ASCC2: variants seen among roughly 807,000 people sequenced by gnomAD.
ASCC2 encodes the protein activating signal cointegrator 1 complex subunit 2.
ASCC2 carries 42 observed loss-of-function variants against 93.5 expected under a neutral mutation model. The ratio of observed to expected loss-of-function variants is 0.45; its 90% CI spans 0.35 to 0.58. ASCC2 has a LOEUF of 0.58. Among genes scored for constraint, ASCC2 ranks in the 20% least tolerant of loss-of-function variants. The probability of loss-of-function intolerance (pLI) is 0.00; values close to 1 mark genes in which losing one functional copy is unlikely to be tolerated. For synonymous variants in ASCC2, 364 were observed against 384.2 expected, an observed-to-expected ratio of 0.95 and a Z score of 0.62; for missense variants, 859 against 977.6, an observed-to-expected ratio of 0.88 and a Z score of 1.62.
Position 29,791,834 on chromosome 22 carries a change from C to T in ASCC2, c.2022+599G>A, listed in dbSNP as rs564134679. Among the ~76,000 whole-genome samples the T allele has an allele frequency of 3.2e-4, 49 of 152,358 alleles. 1 individual carries two copies. The highest frequency in any genetic ancestry group is 3.0e-3 in the Admixed American group (46 of 15,310). On this transcript the variant is annotated intron_variant, in intron 18 of 19. Coordinates refer to ENST00000307790, the MANE Select transcript of ASCC2 (RefSeq NM_032204.5). ...ACCGAGGAGCCCCTGAGGCAGGGCA[C>T]GTGCTTCCCACTGCTCAGCGCAGTC...
At chr22:29,820,152 T>C (rs758212982) in intron 5 of ASCC2, among the ~76,000 whole-genome samples, 16 of 151,782 alleles carry the variant, frequency 1.1e-4, no homozygotes, top group Non-Finnish European at 1.6e-4. Flanking sequence ...AAATGTTGGA[T>C]GCAAAATTTC....
rs551847895 is a variant in ASCC2, at chr22:29,832,012, T to C, written c.81+233A>G. The stretch of plus-strand genomic sequence containing the variant: ...TTGGACTGATTTGAAATTAAATGCT[T>C]TGGGGGGAAGGTGCAGGGTGGTGAC... On this transcript the variant is annotated intron_variant, in intron 2 of 19. Coordinates refer to ENST00000307790, the MANE Select transcript of ASCC2 (RefSeq NM_032204.5). Among the ~76,000 whole-genome samples, 14 of 152,048 alleles carry C rather than the reference T, an allele frequency of 9.2e-5. No homozygotes were observed. In the South Asian group the frequency reaches 2.9e-3, roughly 32 times the overall value.
At position 29,832,264 on chromosome 22, in the gene ASCC2, A is replaced by T; in HGVS notation, c.62T>A (p.Leu21Gln). 1.9e-6 allele frequency: 3 copies of T among 1,613,988 alleles called. No homozygotes were observed. The highest frequency in any genetic ancestry group is 2.5e-6 in the Non-Finnish European group (3 of 1,179,884). The change falls in exon 2 of 20, where the codon CTG becomes CAG. Residue 21 changes from leucine (L) to glutamine (Q), a missense_variant. By Grantham distance (113) the Leu-to-Gln change is moderately radical (BLOSUM62 -2). Transcript: ENST00000307790. Reference protein sequence around the residue: ...ITHKDPKTGKLRTSPALHPEQ... With the variant: ...ITHKDPKTGKQRTSPALHPEQ... ...GCTCACCAGCGCTGGTGAAGTCCTC[A>T]GCTTTCCTGTCTTCGGGTCCTTGTG... is the stretch of plus-strand genomic sequence containing the variant.
At chr22:29,833,503 G>T in intron 1 of ASCC2, 1 of 436,854 alleles carries the variant, frequency 2.3e-6, no homozygotes. Flanking sequence ...ATAGAAAACT[G>T]ACAGTGCAAG....
chr22:29,828,722 G>C (rs955870450), intron 2 of ASCC2, among the ~76,000 whole-genome samples: 9 of 152,166 alleles, frequency 5.9e-5, no homozygotes, highest in Admixed American at 3.3e-4. Context: ...AGTGCTTTCA[G>C]ATCAGTGGTT....
chr22:29,813,529 A>T lies in ASCC2; in HGVS notation c.734T>A (p.Ile245Asn), dbSNP rs1281596805. The T allele has an allele frequency of 6.2e-7, 1 of 1,610,716 alleles. No homozygotes were observed. The highest frequency in any genetic ancestry group is 8.5e-7 in the Non-Finnish European group (1 of 1,176,920). ...GCAGGTATCACAAAGGTAGAGAACA[A>T]TGTCCTTTAATTCCTGTTGCCAAAA... Reference protein sequence around the residue: ...SDMPLLELKDIVLYLCDTCTT... With the variant: ...SDMPLLELKDNVLYLCDTCTT... Residue 245 changes from isoleucine (I) to asparagine (N), a missense_variant, in exon 8 of 20, where the codon ATT becomes AAT. Physicochemically the swap from Ile to Asn is moderately radical, Grantham distance 149. Coordinates refer to ENST00000307790, the MANE Select transcript of ASCC2 (RefSeq NM_032204.5).
At chr22:29,824,717 G>C (rs867550480) in intron 4 of ASCC2, among the ~76,000 whole-genome samples, 2 of 151,860 alleles carry the variant, frequency 1.3e-5, no homozygotes, top group Middle Eastern at 3.4e-3. Context: ...GTTGTTTAGA[G>C]ATAGCAGTAT....
intron 4 of ASCC2, 144 bp from the exon 5 acceptor site, chr22:29,822,608 A>T: frequency 2.5e-6 from 2 of 802,702 alleles, no homozygotes; most frequent in Non-Finnish European, 3.6e-6. Flanking sequence ...AGCAATGGCC[A>T]TTCTCCCCCC....
intron 16 of ASCC2, 21 bp from the exon 17 acceptor site, chr22:29,793,511 G>A (rs1457882688): frequency 1.9e-6 from 3 of 1,613,988 alleles, no homozygotes; most frequent in South Asian, 1.1e-5. Context: ...ATAAGCATGG[G>A]TCTGGGGGGC....
In ASCC2 at chr22:29,820,799, C is replaced by T. The variant is rs924512117; in HGVS notation, c.541+1536G>A. ...AAAATACCTGTAATCCCAGCTACTT[C>T]GGAGGCTGAAGCAGGAGAATCACTT... On this transcript the variant is annotated intron_variant, in intron 5 of 19. Coordinates refer to ENST00000307790, the MANE Select transcript of ASCC2 (RefSeq NM_032204.5). Among the ~76,000 whole-genome samples, 7 of 150,882 alleles carry T rather than the reference C, an allele frequency of 4.6e-5. No individual in the cohort carries two copies. In the East Asian group the frequency reaches 7.9e-4, roughly 17 times the overall value.
intron 4 of ASCC2, 151 bp downstream of exon 4, chr22:29,824,936 C>A: frequency 1.3e-6 from 1 of 780,526 alleles, no homozygotes; most frequent in Non-Finnish European, 1.8e-6. Flanking sequence ...AGGGACGTGG[C>A]ACAGATTTCT....
chr22:29,797,492 C>T (rs1314654158), intron 15 of ASCC2, among the ~76,000 whole-genome samples: 7 of 152,210 alleles, frequency 4.6e-5, no homozygotes, highest in Non-Finnish European at 8.8e-5. Context: ...CAGGGCCAGA[C>T]ACAGGTCTCC....
chr22:29,801,242 CTCAAAA>C, intron 14 of ASCC2, 132 bp from the exon 15 acceptor site: 1 of 1,224,978 alleles, frequency 8.2e-7, no homozygotes, highest in Non-Finnish European at 1.1e-6. Flanking sequence ...AGGACACAAT[CTCAAAA>C]CCTTGAAGAG....
At chr22:29,814,812 G>A in intron 6 of ASCC2, 45 bp from the exon 7 acceptor site, 1 of 1,513,376 alleles carries the variant, frequency 6.6e-7, no homozygotes, top group Non-Finnish European at 9.0e-7. Flanking sequence ...ACTGAACCAG[G>A]GCTAGGACCC....
In ASCC2 at chr22:29,801,096, T is replaced by C. The variant is rs1311708576; in HGVS notation, c.1583A>G (p.Asp528Gly). 2.5e-6 allele frequency: 4 copies of C among 1,599,618 alleles called. No individual in the cohort carries two copies. The highest frequency in any genetic ancestry group is 3.4e-6 in the Non-Finnish European group (4 of 1,168,514). Residue 528 changes from aspartate to glycine, a missense_variant, in exon 15 of 20, where the codon GAC (aspartate) becomes GGC (glycine). Transcript: ENST00000307790. The stretch of plus-strand genomic sequence containing the variant: ...GCGAGACGTCAGCAGGGGTGTAGGG[T>C]CTGGTTTCATTTCTCTGGGTGGGGG... The part of the protein sequence containing the change: ...DRNLDREMKP[D>G]PTPLLTSRHN...
intron 8 of ASCC2, among the ~76,000 whole-genome samples, chr22:29,809,520 C>A (rs549502730): frequency 1.1e-3 from 165 of 152,172 alleles, no homozygotes; most frequent in Non-Finnish European, 2.0e-3. Flanking sequence ...TGGCTTATGC[C>A]TGTAATCCCA....
chr22:29,800,122 C>T (rs2058909124), intron 15 of ASCC2, among the ~76,000 whole-genome samples: 1 of 152,196 alleles, frequency 6.6e-6, no homozygotes, highest in African/African-American at 2.4e-5. Context: ...CTGGCTTTGT[C>T]GGTTCATGGG....
intron 15 of ASCC2, among the ~76,000 whole-genome samples, chr22:29,798,173 T>C (rs1035287801): frequency 6.6e-6 from 1 of 152,234 alleles, no homozygotes; most frequent in Non-Finnish European, 1.5e-5. Context: ...ATGATATACC[T>C]GTAGCACATG....
rs536247944 is a variant in ASCC2 at position 29,795,021 on chromosome 22, C to T, written c.1689-1345G>A. On this transcript the variant is annotated intron_variant, in intron 15 of 19. Transcript: ENST00000307790. ...GATCTTGCAACCTCCGCCTCCTGGG[C>T]TCAAGCGATTCTCGTGCCTCAGGCT... 1.4e-4 allele frequency among the ~76,000 whole-genome samples: 22 copies of T among 151,730 alleles called. No individual in the cohort carries two copies. In the South Asian group the frequency reaches 4.4e-3, roughly 30 times the overall value.
Sources: allele counts gnomAD v4.1 joint callset (sites outside exome capture counted in the v4.1 genomes callset), GRCh38; gene constraint gnomAD v4.1.1; transcripts MANE v1.5; gene names NCBI Gene and HGNC (gene_info 2026-07-23, HGNC 2026-07-21).